Variants in NRDC observed in about 807,000 individuals in gnomAD.
NRDC encodes the protein nardilysin.
In NRDC, 54 loss-of-function variants were observed where a neutral mutation model predicts 147.1. That is an observed-to-expected ratio of 0.37 (90% confidence interval 0.29 to 0.46). The LOEUF is 0.46. NRDC is among the 20% of genes least tolerant of loss of function. NRDC has a pLI of 1.00. For missense variants in NRDC, 1,082 were observed against 1,370.6 expected, an observed-to-expected ratio of 0.79 and a Z score of 3.33; for synonymous variants, 440 against 482.1, an observed-to-expected ratio of 0.91 and a Z score of 1.14.
At chr1:51,867,507 G>A (rs1247897698) in intron 1 of NRDC, among the ~76,000 whole-genome samples, 5 of 152,170 alleles carry the variant, frequency 3.3e-5, no homozygotes, top group Non-Finnish European at 7.3e-5. Context: ...CAGAGTAAGG[G>A]TAGATGAGAA....
At chr1:51,856,629 C>G (rs117823217) in intron 1 of NRDC, among the ~76,000 whole-genome samples, 2 of 152,116 alleles carry the variant, frequency 1.3e-5, no homozygotes, top group South Asian at 4.1e-4. Context: ...GTGCAGGCCA[C>G]CCTCCAAGAA....
At chr1:51,791,716 C>T in intron 26 of NRDC, 55 bp from the exon 27 acceptor site, 2 of 1,387,632 alleles carry the variant, frequency 1.4e-6, no homozygotes, top group Non-Finnish European at 1.0e-6. Context: ...GGGCCCTGGC[C>T]TTGGAGGCAC....
At position 51,878,576 on chromosome 1, in the gene NRDC, G is replaced by A; in HGVS notation, c.40C>T (p.Arg14Trp). The change falls in exon 1 of 31, where the codon CGG becomes TGG. Residue 14 changes from arginine (R) to tryptophan (W), a missense_variant. Physicochemically the swap from Arg to Trp is moderately radical, Grantham distance 101. Around this residue, in one of 3 missense-constraint regions of NRDC, gnomAD observed 260 missense variants for 253.2 expected, o/e 1.03. Transcript: ENST00000352171. ...RVTVAAVCAT[R>W]RKLCEAGREL... is the part of the protein sequence containing the mutation. ...CGCCCGGCCTCACACAACTTCCTCC[G>A]GGTGGCACAGACTGCAGCAACAGTG... 4 of 1,613,044 alleles carry A rather than the reference G, an allele frequency of 2.5e-6. No individual in the cohort carries two copies. Among genetic ancestry groups the A allele is most frequent in the South Asian group, 2.2e-5 (2 of 90,936 alleles).
chr1:51,819,279 C>G (rs1051686459), intron 9 of NRDC, among the ~76,000 whole-genome samples: 1 of 148,206 alleles, frequency 6.7e-6, no homozygotes, highest in Admixed American at 6.8e-5. Flanking sequence ...GCCTGGGCAA[C>G]AGAGCGAGAC....
intron 30 of NRDC, 33 bp from the exon 31 acceptor site, chr1:51,789,466 T>C (rs1226937690): frequency 4.3e-6 from 7 of 1,610,882 alleles, no homozygotes; most frequent in Middle Eastern, 1.6e-4. Flanking sequence ...GTGAAAAATA[T>C]GCTGACCAGA....
At position 51,814,612 on chromosome 1, in the gene NRDC, G is replaced by GA; in HGVS notation, c.1561-4dup. 1 of 1,612,382 alleles carries GA rather than the reference G, an allele frequency of 6.2e-7. No homozygotes were observed. The highest frequency in any genetic ancestry group is 1.7e-5 in the Admixed American group (1 of 59,906). On this transcript the variant is annotated splice_region_variant and splice_polypyrimidine_tract_variant and intron_variant, in intron 12 of 30. Transcript: ENST00000352171. ...TACTGAAAGACAGTGTAAGCAACCT[G>GA]AAAACAAAACATCCAATTAGTCTTT...
At chr1:51,836,842 T>C (rs763237931) in intron 2 of NRDC, among the ~76,000 whole-genome samples, 23 of 152,308 alleles carry the variant, frequency 1.5e-4, no homozygotes, top group Non-Finnish European at 3.2e-4. Context: ...ACAGCATATA[T>C]TACTTATCAG....
At chr1:51,860,888 C>T (rs1168789875) in intron 1 of NRDC, among the ~76,000 whole-genome samples, 1 of 151,958 alleles carries the variant, frequency 6.6e-6, no homozygotes, top group Non-Finnish European at 1.5e-5. Context: ...TTAATATTTC[C>T]CAATTAAGTT....
chr1:51,861,517 T>A (rs998371591), intron 1 of NRDC, among the ~76,000 whole-genome samples: 8 of 150,574 alleles, frequency 5.3e-5, no homozygotes, highest in East Asian at 1.9e-4. Flanking sequence ...TATTATTTTT[T>A]TTTATTTTAG....
chr1:51,858,556 C>A (rs2842576), intron 1 of NRDC, among the ~76,000 whole-genome samples: 1 of 152,014 alleles, frequency 6.6e-6, no homozygotes, highest in Non-Finnish European at 1.5e-5. Context: ...TTGGCATAAA[C>A]ACTATCCTGC....
intron 20 of NRDC, 70 bp from the exon 21 acceptor site, chr1:51,800,753 CT>C: frequency 3.3e-6 from 5 of 1,522,106 alleles, no homozygotes. Flanking sequence ...GGAAATGTTT[CT>C]CTTTGGTTTT....
Position 51,798,329 on chromosome 1 carries a change from C to T in NRDC, c.2524G>A (p.Glu842Lys), listed in dbSNP as rs750984155. The T allele has an allele frequency of 4.3e-6, 7 of 1,613,874 alleles. No homozygotes were observed. In the Admixed American group the frequency reaches 8.3e-5, roughly 19 times the overall value. ...TCTTTGACGAAGCTCAGCAGAGACT[C>T]AAGGGAAAGGCCGTCCATCAAAGCC... The part of the protein sequence containing the change: ...YQALMDGLSL[E>K]SLLSFVKEFK... The change falls in exon 22 of 31, where the codon GAG becomes AAG. Residue 842 changes from glutamate (E) to lysine (K), a missense_variant. By Grantham distance (56) the Glu-to-Lys change is moderately conservative. Coordinates refer to ENST00000352171, the MANE Select transcript of NRDC (RefSeq NM_001101662.2).
intron 19 of NRDC, 58 bp from the exon 20 acceptor site, chr1:51,804,022 G>T: frequency 6.9e-7 from 1 of 1,451,166 alleles, no homozygotes; most frequent in Admixed American, 2.3e-5. Context: ...ACATGAAATA[G>T]ATTTGCTTCA....
chr1:51,837,132 G>A (rs566738440), intron 2 of NRDC, among the ~76,000 whole-genome samples: 11 of 152,076 alleles, frequency 7.2e-5, no homozygotes, highest in South Asian at 4.2e-4. Context: ...GAGAAAAAAC[G>A]GTCAATTTGA....
At chr1:51,791,971 G>T in intron 26 of NRDC, 75 bp downstream of exon 26, 1 of 1,435,434 alleles carries the variant, frequency 7.0e-7, no homozygotes, top group East Asian at 2.3e-5. Flanking sequence ...TGCTCAGTAG[G>T]GATATCTGAT....
At chr1:51,804,245 C>T (rs993163304) in intron 19 of NRDC, among the ~76,000 whole-genome samples, 4 of 152,194 alleles carry the variant, frequency 2.6e-5, no homozygotes, top group African/African-American at 9.7e-5. Context: ...ATCAGCAGCA[C>T]TGGCCTGAAG....
Position 51,810,388 on chromosome 1 carries a change from A to G in NRDC, c.1796T>C (p.Leu599Ser). ...EYKPEVIGEA[L>S]NQLVPQKANL... ...TGCTTTTTGAGGAACTAGCTGATTCAAGGCTTCACCAATGACCTAGTAAAG... is the reference window on the plus strand; with the variant it reads ...TGCTTTTTGAGGAACTAGCTGATTCGAGGCTTCACCAATGACCTAGTAAAG... The change falls in exon 16 of 31, where the codon TTG becomes TCG. Residue 599 changes from leucine (L) to serine (S), a missense_variant. Physicochemically the swap from Leu to Ser is moderately radical, Grantham distance 145 (BLOSUM62 -2). Around this residue, in one of 3 missense-constraint regions of NRDC, gnomAD observed 635 missense variants for 923.8 expected, o/e 0.69. Coordinates refer to ENST00000352171, the MANE Select transcript of NRDC (RefSeq NM_001101662.2). 1 of 1,612,248 alleles carries G rather than the reference A, an allele frequency of 6.2e-7. No individual in the cohort carries two copies. Among genetic ancestry groups the G allele is most frequent in the Non-Finnish European group, 8.5e-7 (1 of 1,178,970 alleles).
At chr1:51,819,965 C>CTA in intron 8 of NRDC, 92 bp from the exon 9 acceptor site, 1 of 952,248 alleles carries the variant, frequency 1.1e-6, no homozygotes, top group South Asian at 1.5e-5. Flanking sequence ...TATTTATAAT[C>CTA]TATTCTACAT....
chr1:51,846,955 T>C (rs1167472267), intron 1 of NRDC, among the ~76,000 whole-genome samples: 2 of 152,146 alleles, frequency 1.3e-5, no homozygotes, highest in Admixed American at 1.3e-4. Flanking sequence ...GAGTGCTGAT[T>C]GGTGCATTTA....
Sources: gnomAD v4.1 joint callset for allele counts (sites outside exome capture counted in the v4.1 genomes callset) on GRCh38, gnomAD v4.1.1 for gene constraint, gnomAD v4.1.1 regional missense constraint, MANE v1.5 for transcripts, NCBI Gene and HGNC (gene_info 2026-07-23, HGNC 2026-07-21) for gene names.